GSG1L: variants seen among roughly 807,000 people sequenced by gnomAD.
The protein encoded by GSG1L is germ cell-specific gene 1-like protein.
Under a neutral mutation model 42.1 loss-of-function variants are expected in GSG1L, and 24 were observed. The ratio of observed to expected loss-of-function variants is 0.57; its 90% CI spans 0.41 to 0.80. The LOEUF is 0.80. GSG1L is among the 30% of genes least tolerant of loss of function. The probability of loss-of-function intolerance (pLI) is 0.00; values close to 1 mark genes in which losing one functional copy is unlikely to be tolerated. For synonymous variants in GSG1L, 215 were observed against 203.5 expected (o/e 1.06, Z -0.48); for missense variants, 445 against 472.2 (o/e 0.94, Z 0.53).
chr16:27,899,789 A>G (rs1426204475), intron 2 of GSG1L, among the ~76,000 whole-genome samples: 1 of 152,212 alleles, frequency 6.6e-6, no homozygotes, highest in Non-Finnish European at 1.5e-5. Flanking sequence ...ATAGACTTCA[A>G]TATGCTAGCT....
intron 1 of GSG1L, among the ~76,000 whole-genome samples, chr16:28,045,782 G>A (rs1464268241): frequency 1.3e-5 from 2 of 151,998 alleles, no homozygotes; most frequent in Non-Finnish European, 2.9e-5. Flanking sequence ...GATTGCCTGA[G>A]CTCAGGAGTT....
intron 4 of GSG1L, among the ~76,000 whole-genome samples, chr16:27,831,342 G>A (rs1311066318): frequency 3.9e-5 from 6 of 151,958 alleles, no homozygotes; most frequent in African/African-American, 1.5e-4. Context: ...TTTTTTCCTT[G>A]ATTTTTTTCT....
At chr16:27,827,456 G>A (rs2083223185) in intron 5 of GSG1L, among the ~76,000 whole-genome samples, 1 of 152,150 alleles carries the variant, frequency 6.6e-6, no homozygotes, top group Non-Finnish European at 1.5e-5. Flanking sequence ...GACCCTGACA[G>A]CCCAGAAGAG....
intron 2 of GSG1L, among the ~76,000 whole-genome samples, chr16:27,901,672 G>A (rs1596598806): frequency 6.6e-6 from 1 of 152,212 alleles, no homozygotes; most frequent in African/African-American, 2.4e-5. Flanking sequence ...TCAGATGCAC[G>A]GGCCATTTTA....
chr16:27,908,915 C>T (rs1373911478), intron 2 of GSG1L, among the ~76,000 whole-genome samples: 1 of 152,186 alleles, frequency 6.6e-6, no homozygotes, highest in Non-Finnish European at 1.5e-5. Context: ...CTTCCCACCC[C>T]ACCCCAAAGG....
At chr16:27,936,598 A>G (rs972615255) in intron 2 of GSG1L, among the ~76,000 whole-genome samples, 2 of 152,162 alleles carry the variant, frequency 1.3e-5, no homozygotes, top group African/African-American at 2.4e-5. Flanking sequence ...CATGAGCCAA[A>G]TAAGCCTCTA....
intron 3 of GSG1L, among the ~76,000 whole-genome samples, chr16:27,865,098 C>A (rs145419439): frequency 1.3e-5 from 2 of 152,080 alleles, no homozygotes; most frequent in Non-Finnish European, 2.9e-5. Context: ...GCCAGTCCCA[C>A]GCATTCTTCT....
At chr16:27,974,029 T>C (rs1489553376) in intron 1 of GSG1L, among the ~76,000 whole-genome samples, 1 of 152,086 alleles carries the variant, frequency 6.6e-6, no homozygotes, top group Non-Finnish European at 1.5e-5. Flanking sequence ...CCCCATCTGA[T>C]TCCCTTTGAG....
intron 5 of GSG1L, among the ~76,000 whole-genome samples, chr16:27,811,930 C>T (rs1035893652): frequency 2.2e-4 from 33 of 152,164 alleles, no homozygotes; most frequent in African/African-American, 7.7e-4. Context: ...GGATTACAGG[C>T]GTGAGCCACC....
chr16:27,942,009 G>C (rs2084803254), intron 2 of GSG1L, among the ~76,000 whole-genome samples: 1 of 152,086 alleles, frequency 6.6e-6, no homozygotes, highest in South Asian at 2.1e-4. Flanking sequence ...AGATGAAAAA[G>C]TTCTGGAGGT....
At chr16:27,824,417 G>A (rs572661193) in intron 5 of GSG1L, among the ~76,000 whole-genome samples, 4 of 152,152 alleles carry the variant, frequency 2.6e-5, no homozygotes, top group South Asian at 2.1e-4. Context: ...GCCATGGATC[G>A]CCCTCCCTTG....
At chr16:27,892,260 G>A (rs1191360093) in intron 2 of GSG1L, among the ~76,000 whole-genome samples, 2 of 152,028 alleles carry the variant, frequency 1.3e-5, no homozygotes, top group African/African-American at 4.8e-5. Flanking sequence ...TTCGAGACCA[G>A]CCTGGGCAAT....
chr16:27,951,497 G>A (rs2084950082), intron 2 of GSG1L, among the ~76,000 whole-genome samples: 1 of 152,182 alleles, frequency 6.6e-6, no homozygotes, highest in South Asian at 2.1e-4. Context: ...GATGCAGTCT[G>A]GGGATGAAGG....
At position 27,889,804 on chromosome 16, in the gene GSG1L, T is replaced by C. The variant is rs371761432; in HGVS notation, c.398-5166A>G. On this transcript the variant is annotated intron_variant, in intron 2 of 6. Coordinates refer to ENST00000447459, the MANE Select transcript of GSG1L (RefSeq NM_001109763.2). Reference sequence around the variant, plus strand: ...CCCCAGGGAGCATTTCCTTCACCAATGACTTTGCACCCAAATCCTCATCCT... The same window carrying C: ...CCCCAGGGAGCATTTCCTTCACCAACGACTTTGCACCCAAATCCTCATCCT... Among the ~76,000 whole-genome samples, 4 of 152,308 alleles carry C rather than the reference T, an allele frequency of 2.6e-5. No individual in the cohort carries two copies. In the East Asian group the frequency reaches 5.8e-4, roughly 22 times the overall value.
In GSG1L at chr16:28,040,469, C is replaced by T. The variant is rs992538719; in HGVS notation, c.349+22607G>A. Among the ~76,000 whole-genome samples the T allele has an allele frequency of 6.6e-6, 1 of 152,102 alleles. No individual in the cohort carries two copies. Among genetic ancestry groups the T allele is most frequent in the African/African-American group, 2.4e-5 (1 of 41,396 alleles). On this transcript the variant is annotated intron_variant, in intron 1 of 6. Coordinates refer to ENST00000447459, the MANE Select transcript of GSG1L (RefSeq NM_001109763.2). This position sits in a 1 kb window ranked among gnomAD's most constrained non-coding sequence, Gnocchi z 4.1. ...ACTCCCCCAGAATTAATTACGAATT[C>T]GGAAGAGTAGAGACCCCATCTTGTT...
intron 1 of GSG1L, among the ~76,000 whole-genome samples, chr16:27,993,034 T>C (rs1006292343): frequency 6.6e-6 from 1 of 152,220 alleles, no homozygotes; most frequent in Non-Finnish European, 1.5e-5. Flanking sequence ...AATAACTATA[T>C]GAAAGAGGTA....
chr16:27,873,582 G>T (rs2083850512), intron 3 of GSG1L, among the ~76,000 whole-genome samples: 1 of 152,148 alleles, frequency 6.6e-6, no homozygotes, highest in Non-Finnish European at 1.5e-5. Flanking sequence ...TGCATTAAGA[G>T]CCAAAAATGG....
At chr16:27,889,251 A>G (rs191164963) in intron 2 of GSG1L, among the ~76,000 whole-genome samples, 2 of 152,128 alleles carry the variant, frequency 1.3e-5, no homozygotes, top group Admixed American at 1.3e-4. Flanking sequence ...CGGCCTCCCA[A>G]AGCGCTGAAA....
intron 3 of GSG1L, among the ~76,000 whole-genome samples, chr16:27,856,339 G>A (rs2083577697): frequency 6.6e-6 from 1 of 151,958 alleles, no homozygotes. Flanking sequence ...TTTCAGGAAG[G>A]GTCTTGCTCT....
Sources: gnomAD v4.1 joint callset for allele counts (sites outside exome capture counted in the v4.1 genomes callset) on GRCh38, gnomAD v4.1.1 for gene constraint, Gnocchi (gnomAD v3.1) non-coding constraint, MANE v1.5 for transcripts, NCBI Gene and HGNC (gene_info 2026-07-23, HGNC 2026-07-21) for gene names.